SMYD3: variants seen among roughly 807,000 people sequenced by gnomAD.
SMYD3 encodes histone-lysine N-methyltransferase SMYD3.
A neutral mutation model predicts 57.7 loss-of-function variants in SMYD3; 36 were observed. The observed-to-expected ratio is 0.62, with a 90% CI of 0.48 to 0.82. The LOEUF is 0.82. SMYD3 is among the 40% of genes least tolerant of loss of function. The pLI is 0.00. For synonymous variants in SMYD3, 211 were observed against 195.0 expected (o/e 1.08, Z -0.68); for missense variants, 515 against 538.8 (o/e 0.96, Z 0.44).
intron 8 of SMYD3, among the ~76,000 whole-genome samples, chr1:245,904,250 G>C (rs1028591581): frequency 6.6e-6 from 1 of 152,130 alleles, no homozygotes; most frequent in Non-Finnish European, 1.5e-5. Context: ...TGCTCTTCCT[G>C]CTTTGCTCTT....
At chr1:245,894,017 G>A (rs1287220470) in intron 8 of SMYD3, among the ~76,000 whole-genome samples, 1 of 152,200 alleles carries the variant, frequency 6.6e-6, no homozygotes, top group African/African-American at 2.4e-5. Flanking sequence ...AGAGAGAAAT[G>A]AGATGAGGCA....
At chr1:246,000,626 A>C (rs1420493896) in intron 5 of SMYD3, among the ~76,000 whole-genome samples, 1 of 152,132 alleles carries the variant, frequency 6.6e-6, no homozygotes, top group Non-Finnish European at 1.5e-5. Flanking sequence ...CACCATACAC[A>C]CAGTTCAATG....
chr1:246,270,346 T>C (rs1222521673), intron 5 of SMYD3, among the ~76,000 whole-genome samples: 1 of 152,212 alleles, frequency 6.6e-6, no homozygotes, highest in Non-Finnish European at 1.5e-5. Flanking sequence ...ATCTTAACCA[T>C]AGTTAAGTAT....
At chr1:245,973,691 G>A (rs1572822762) in intron 5 of SMYD3, among the ~76,000 whole-genome samples, 1 of 152,158 alleles carries the variant, frequency 6.6e-6, no homozygotes, top group South Asian at 2.1e-4. Context: ...TGTCCAAGGA[G>A]CATCAGACCA....
chr1:245,812,675 A>AAAT (rs2048539130), intron 10 of SMYD3, among the ~76,000 whole-genome samples: 1 of 141,890 alleles, frequency 7.0e-6, no homozygotes, highest in African/African-American at 2.7e-5. Context: ...TAAGAATGAC[A>AAAT]AATTCTTACT....
intron 5 of SMYD3, chr1:245,947,357 C>G (rs763035795): frequency 2.2e-6 from 1 of 457,096 alleles, no homozygotes; most frequent in South Asian, 1.5e-5. Context: ...ACGGCACAAC[C>G]AGAGACAGAA....
At chr1:246,212,883 C>T (rs913503123) in intron 5 of SMYD3, among the ~76,000 whole-genome samples, 1 of 152,116 alleles carries the variant, frequency 6.6e-6, no homozygotes, top group African/African-American at 2.4e-5. Flanking sequence ...ACAGGACGTT[C>T]TTGGGTTATG....
intron 10 of SMYD3, among the ~76,000 whole-genome samples, chr1:245,817,082 C>CCT (rs2048862667): frequency 6.6e-6 from 1 of 151,534 alleles, no homozygotes; most frequent in South Asian, 2.1e-4. Flanking sequence ...GTAGGCTCCA[C>CCT]CTCTGGGGGC....
chr1:246,394,564 C>T (rs1234725321), intron 1 of SMYD3, among the ~76,000 whole-genome samples: 1 of 152,194 alleles, frequency 6.6e-6, no homozygotes, highest in African/African-American at 2.4e-5. Context: ...TATTCGAAAA[C>T]AAGAAATCAC....
chr1:245,880,994 A>T (rs1004092372), intron 8 of SMYD3, among the ~76,000 whole-genome samples: 1 of 105,752 alleles, frequency 9.5e-6, no homozygotes, highest in Non-Finnish European at 2.6e-5. Flanking sequence ...TGTCCAGGAG[A>T]TACTTGCCCT....
At chr1:246,198,089 T>C (rs2062853778) in intron 5 of SMYD3, among the ~76,000 whole-genome samples, 1 of 152,214 alleles carries the variant, frequency 6.6e-6, no homozygotes, top group African/African-American at 2.4e-5. Context: ...GGGCCCATTC[T>C]GACATCAGTT....
chr1:245,767,626 T>C (rs1292960672), intron 10 of SMYD3, among the ~76,000 whole-genome samples: 1 of 152,044 alleles, frequency 6.6e-6, no homozygotes, highest in East Asian at 1.9e-4. Flanking sequence ...AAGGGATGGA[T>C]GGTTGCTCTG....
At chr1:245,779,974 T>C (rs1275085647) in intron 10 of SMYD3, among the ~76,000 whole-genome samples, 1 of 152,186 alleles carries the variant, frequency 6.6e-6, no homozygotes, top group African/African-American at 2.4e-5. Flanking sequence ...GCCAGTGTAG[T>C]ACCACCTCAC....
At chr1:245,787,645 A>G (rs1224380064) in intron 10 of SMYD3, among the ~76,000 whole-genome samples, 1 of 152,048 alleles carries the variant, frequency 6.6e-6, no homozygotes, top group Non-Finnish European at 1.5e-5. Context: ...AAAAAAGGCA[A>G]CCTTATTAGA....
rs543592055 is a variant in SMYD3 at position 246,081,070 on chromosome 1, A to C, written c.532-151133T>G. Among the ~76,000 whole-genome samples, 405 of 152,382 alleles carry C rather than the reference A, an allele frequency of 2.7e-3. 3 individuals are homozygous for C. Among genetic ancestry groups the C allele is most frequent in the Non-Finnish European group, 4.5e-3 (307 of 68,042 alleles). ...ATTATCATAAACTATCAAACAATGC[A>C]ACCCACTGAAAGGAAAATGTGAGAC... On this transcript the variant is annotated intron_variant, in intron 5 of 11. Coordinates refer to ENST00000490107, the MANE Select transcript of SMYD3 (RefSeq NM_001167740.2).
chr1:246,089,676 G>A (rs2060787048), intron 5 of SMYD3, among the ~76,000 whole-genome samples: 1 of 152,100 alleles, frequency 6.6e-6, no homozygotes. Context: ...ATGAAAACAA[G>A]TTTTCAACTA....
intron 5 of SMYD3, among the ~76,000 whole-genome samples, chr1:246,128,437 G>A (rs2061539945): frequency 6.6e-6 from 1 of 152,224 alleles, no homozygotes; most frequent in Admixed American, 6.5e-5. Flanking sequence ...TTTGTGGAAA[G>A]AATGAACAAT....
At chr1:246,307,389 C>G (rs12404324) in intron 5 of SMYD3, among the ~76,000 whole-genome samples, 22,371 of 150,404 alleles carry the variant, frequency 0.15, 2,170 homozygotes, top group East Asian at 0.3. Context: ...TTTGAAGAAC[C>G]CTGCTCTCAT....
At chr1:245,760,492 T>A (rs921399380) in intron 11 of SMYD3, among the ~76,000 whole-genome samples, 5 of 152,186 alleles carry the variant, frequency 3.3e-5, no homozygotes, top group African/African-American at 1.2e-4. Flanking sequence ...GCCATCCCTC[T>A]GCTAGCAAAT....
Sources: gnomAD v4.1 joint callset for allele counts (sites outside exome capture counted in the v4.1 genomes callset) on GRCh38, gnomAD v4.1.1 for gene constraint, MANE v1.5 for transcripts, NCBI Gene and HGNC (gene_info 2026-07-23, HGNC 2026-07-21) for gene names.